Variants in FANCI observed in about 807,000 individuals in gnomAD.
FANCI encodes the protein Fanconi anemia group I protein.
Under a neutral mutation model 176.1 loss-of-function variants are expected in FANCI, and 156 were observed. The observed-to-expected ratio is 0.89, with a 90% CI of 0.78 to 1.01. The LOEUF is 1.01. Ranked by LOEUF, FANCI falls within the 50% of genes least tolerant of loss-of-function variation. The pLI is 0.00. For missense variants in FANCI, 1,678 were observed against 1,534.1 expected, an observed-to-expected ratio of 1.09 and a Z score of -1.57; for synonymous variants, 613 against 541.7, an observed-to-expected ratio of 1.13 and a Z score of -1.83.
At chr15:89,308,668 G>A (rs562242001) in intron 34 of FANCI, among the ~76,000 whole-genome samples, 5 of 152,250 alleles carry the variant, frequency 3.3e-5, no homozygotes, top group South Asian at 4.1e-4. Context: ...CAATCAGCTG[G>A]GCACAGTGGC....
intron 13 of FANCI, among the ~76,000 whole-genome samples, 196 bp downstream of exon 13, chr15:89,277,087 A>T (rs1416310043): frequency 6.6e-6 from 1 of 152,250 alleles, no homozygotes; most frequent in Non-Finnish European, 1.5e-5. Context: ...GTATTCTTCT[A>T]TGTAAGTTTT....
At chr15:89,316,346 T>G (rs1350497633) in intron 37 of FANCI, 51 bp from the exon 38 acceptor site, 2 of 1,540,320 alleles carry the variant, frequency 1.3e-6, no homozygotes, top group Non-Finnish European at 1.8e-6. Context: ...TTATTTCCAC[T>G]GCCTTGGAGC....
intron 10 of FANCI, among the ~76,000 whole-genome samples, chr15:89,271,676 A>G (rs2053205792): frequency 6.6e-6 from 1 of 152,036 alleles, no homozygotes; most frequent in Non-Finnish European, 1.5e-5. Flanking sequence ...TTTGTAAACA[A>G]TTTTTTTAAG....
chr15:89,246,783 T>TTTG (rs2051998998), intron 1 of FANCI, among the ~76,000 whole-genome samples: 1 of 146,730 alleles, frequency 6.8e-6, no homozygotes, highest in Non-Finnish European at 1.5e-5. Flanking sequence ...TTTTTTTTTT[T>TTTG]GAGACAGAGC....
chr15:89,299,566 G>A (rs188103909), intron 24 of FANCI, among the ~76,000 whole-genome samples: 2 of 152,280 alleles, frequency 1.3e-5, no homozygotes, highest in East Asian at 3.9e-4. Flanking sequence ...TAAAACCATA[G>A]GGACAGAAAT....
Position 89,261,745 on chromosome 15 carries a change from A to G in FANCI, c.445+4A>G. On this transcript the variant is annotated splice_donor_region_variant and intron_variant, in intron 5 of 37. Coordinates refer to ENST00000310775, the MANE Select transcript of FANCI (RefSeq NM_001113378.2). ...GAAAATCTGGCTTATGGAAAAGGTA[A>G]TTTTCTTCCGACTTTAGTGGCTTTT... The G allele has an allele frequency of 6.2e-7, 1 of 1,614,094 alleles. No homozygotes were observed. The highest frequency in any genetic ancestry group is 1.3e-5 in the African/African-American group (1 of 75,012).
intron 16 of FANCI, 93 bp from the exon 17 acceptor site, chr15:89,283,043 C>A: frequency 1.7e-6 from 2 of 1,184,250 alleles, no homozygotes; most frequent in Non-Finnish European, 2.5e-6. Context: ...TATACATATG[C>A]CTTCTCTGTA....
At chr15:89,301,511 T>C (rs903502950) in intron 27 of FANCI, 69 bp downstream of exon 27, 2 of 1,052,922 alleles carry the variant, frequency 1.9e-6, no homozygotes, top group Non-Finnish European at 3.0e-6. Flanking sequence ...ATCATAAAAG[T>C]GTATATCTAA....
chr15:89,254,373 T>A (rs557835662), intron 2 of FANCI, among the ~76,000 whole-genome samples: 1 of 152,088 alleles, frequency 6.6e-6, no homozygotes, highest in African/African-American at 2.4e-5. Context: ...CATCTTGCTA[T>A]ACCAGAAAGT....
Position 89,305,205 on chromosome 15 carries a change from C to T in FANCI, c.3149C>T (p.Ser1050Phe), listed in dbSNP as rs771495739. The stretch of plus-strand genomic sequence containing the variant: ...CCTGTCATTCTGCTGCGTGACTTGT[C>T]CCAGGATATCCACGGGCATCTGGGA... ...KSPVILLRDL[S>F]QDIHGHLGDI... is the part of the protein sequence containing the mutation. Residue 1050 changes from serine (S) to phenylalanine (F), a missense_variant, in exon 29 of 38, where the codon TCC becomes TTC. Ser to Phe is a radical substitution (Grantham distance 155). Coordinates refer to ENST00000310775, the MANE Select transcript of FANCI (RefSeq NM_001113378.2). 6.2e-6 allele frequency: 10 copies of T among 1,614,210 alleles called. No individual in the cohort carries two copies. Among genetic ancestry groups the T allele is most frequent in the Non-Finnish European group, 8.5e-6 (10 of 1,180,042 alleles).
chr15:89,307,585 AT>A, intron 33 of FANCI, 27 bp from the exon 34 acceptor site: 1 of 1,614,168 alleles, frequency 6.2e-7, no homozygotes, highest in African/African-American at 1.3e-5. Flanking sequence ...TGCTGGTTAC[AT>A]TGGTTTCCTT....
chr15:89,281,651 T>C lies in FANCI; in HGVS notation c.1513-114T>C, dbSNP rs1032421209. On this transcript the variant is annotated intron_variant, in intron 15 of 37. Transcript: ENST00000310775. ...TAACTGTAATAAACATTAAAACGTA[T>C]ATAAAACAGAAGTAAGCTTCCTTAT... 1.3e-4 allele frequency: 127 copies of C among 984,470 alleles called. 1 individual carries two copies. In the South Asian group the frequency reaches 1.6e-3, roughly 12 times the overall value. 61.0% of individuals were successfully genotyped at this position (984,470 alleles called of 1,614,324 possible).
chr15:89,282,102 C>A, intron 16 of FANCI: 1 of 432,672 alleles, frequency 2.3e-6, no homozygotes, highest in South Asian at 2.2e-5. Flanking sequence ...GAGTGACTTT[C>A]CAAAAGTAAA....
At position 89,283,297 on chromosome 15, in the gene FANCI, T is replaced by C. The variant is rs151060440; in HGVS notation, c.1698+47T>C. On this transcript the variant is annotated intron_variant, in intron 17 of 37. Transcript: ENST00000310775. The stretch of plus-strand genomic sequence containing the variant: ...TTGCAGTGTGTGCGTATCATTCATG[T>C]GCATCGATGAAATGCACGCTGTTTT... 3.8e-5 allele frequency: 62 copies of C among 1,612,446 alleles called. No individual in the cohort carries two copies. The African/African-American group carries it at 5.7e-4, about 15-fold the overall frequency.
rs148765190 is a variant in FANCI, at chr15:89,255,766, C to G, written c.85-2938C>G. Among the ~76,000 whole-genome samples, 394 of 152,278 alleles carry G rather than the reference C, an allele frequency of 2.6e-3. 3 individuals carry two copies. Among genetic ancestry groups the G allele is most frequent in the African/African-American group, 9.2e-3 (383 of 41,546 alleles). The stretch of plus-strand genomic sequence containing the variant: ...AACAGGGATACTTAAATCTTACTTG[C>G]TCTATTTCTGAGTTTTAAAATGTAG... On this transcript the variant is annotated intron_variant, in intron 2 of 37. Coordinates refer to ENST00000310775, the MANE Select transcript of FANCI (RefSeq NM_001113378.2).
rs749884265 is a variant in FANCI at position 89,299,870 on chromosome 15, A to G, written c.2707A>G (p.Ser903Gly). The G allele has an allele frequency of 2.5e-6, 4 of 1,614,080 alleles. No homozygotes were observed. Among genetic ancestry groups the G allele is most frequent in the Admixed American group, 1.7e-5 (1 of 60,030 alleles). The change falls in exon 25 of 38, where the codon AGC becomes GGC. Residue 903 changes from serine to glycine, a missense_variant. This residue lies in a region of FANCI where 1,204 missense variants were observed against 1,077.4 expected (regional missense o/e 1.12). Transcript: ENST00000310775. ...GTCGGGAAAGAAAGAGAAAGGAAAG[A>G]GCATCTCACTGCTGTGCTTGGAGGG... ...EESGKKEKGK[S>G]ISLLCLEGLQ... is the part of the protein sequence containing the mutation.
Position 89,291,694 on chromosome 15 carries a change from A to T in FANCI, c.1972A>T (p.Ile658Phe), listed in dbSNP as rs745308624. Reference protein sequence around the residue: ...EACILTQGDKISLQEPLDYLL... With the variant: ...EACILTQGDKFSLQEPLDYLL... Reference sequence around the variant, plus strand: ...TTGTATTCTGACCCAAGGAGATAAGATCTCTCTACAAGAACCACTGGTGAG... The same window carrying T: ...TTGTATTCTGACCCAAGGAGATAAGTTCTCTCTACAAGAACCACTGGTGAG... Residue 658 changes from isoleucine to phenylalanine, a missense_variant, in exon 20 of 38, where the codon ATC (isoleucine) becomes TTC (phenylalanine). By Grantham distance (21) the Ile-to-Phe change is conservative. Transcript: ENST00000310775. 6.8e-6 allele frequency: 11 copies of T among 1,613,498 alleles called. No homozygotes were observed. In the East Asian group the frequency reaches 2.0e-4, roughly 29 times the overall value.
chr15:89,251,072 T>C (rs1461242382), intron 2 of FANCI, among the ~76,000 whole-genome samples: 1 of 149,724 alleles, frequency 6.7e-6, no homozygotes, highest in Admixed American at 6.6e-5. Context: ...TTAATTAATA[T>C]AATAATCAAA....
intron 27 of FANCI, among the ~76,000 whole-genome samples, chr15:89,302,635 G>A (rs1347447279): frequency 2.7e-5 from 4 of 150,740 alleles, no homozygotes; most frequent in Non-Finnish European, 5.9e-5. Context: ...GTGTAGTGGC[G>A]CCATCTCAGC....
Sources: allele counts gnomAD v4.1 joint callset (sites outside exome capture counted in the v4.1 genomes callset), GRCh38; gene constraint gnomAD v4.1.1; regional missense constraint gnomAD v4.1.1; transcripts MANE v1.5; gene names NCBI Gene and HGNC (gene_info 2026-07-23, HGNC 2026-07-21).